EYS: variants seen among roughly 807,000 people sequenced by gnomAD.
EYS encodes EGF-like photoreceptor maintenance factor, also known as protein eyes shut homolog.
Under a neutral mutation model 282.1 loss-of-function variants are expected in EYS, and 250 were observed. The observed-to-expected ratio is 0.89, with a 90% CI of 0.80 to 0.98. The LOEUF is 0.98. EYS is among the 50% of genes least tolerant of loss of function. The probability of loss-of-function intolerance (pLI) is 0.00; values close to 1 mark genes in which losing one functional copy is unlikely to be tolerated. For synonymous variants in EYS, 1,355 were observed against 1,282.9 expected (o/e 1.06, Z -1.20); for missense variants, 4,016 against 3,709.0 (o/e 1.08, Z -2.15).
chr6:64,941,214 C>T lies in EYS; in HGVS notation c.2381+4579G>A, dbSNP rs182931783. 4.6e-5 allele frequency among the ~76,000 whole-genome samples: 7 copies of T among 152,012 alleles called. No individual in the cohort carries two copies. In the East Asian group the frequency reaches 1.4e-3, roughly 30 times the overall value. ...TGGCTAACATGGTGAAACTCCATCT[C>T]TACTACAAATACAAAAATTATCCAG... On this transcript the variant is annotated intron_variant, in intron 15 of 42. Transcript: ENST00000503581.
At chr6:64,298,669 T>C (rs1355596467) in intron 30 of EYS, among the ~76,000 whole-genome samples, 1 of 151,900 alleles carries the variant, frequency 6.6e-6, no homozygotes. Flanking sequence ...CAGAAGTAAA[T>C]AGCTTCTTAG....
intron 24 of EYS, among the ~76,000 whole-genome samples, chr6:64,599,474 G>A (rs1052297997): frequency 6.6e-6 from 1 of 152,064 alleles, no homozygotes; most frequent in Non-Finnish European, 1.5e-5. Context: ...CAATAAAATA[G>A]AAATAAAAAT....
intron 29 of EYS, among the ~76,000 whole-genome samples, chr6:64,362,842 C>G (rs1052058029): frequency 5.9e-5 from 9 of 151,792 alleles, no homozygotes; most frequent in Admixed American, 5.3e-4. Flanking sequence ...AAGACTTCAT[C>G]AGTTTTATCC....
intron 11 of EYS, among the ~76,000 whole-genome samples, chr6:65,297,049 A>G (rs1768687290): frequency 6.6e-6 from 1 of 151,636 alleles, no homozygotes; most frequent in South Asian, 2.1e-4. Flanking sequence ...ACATTGAACA[A>G]CTTTTCTTGG....
intron 22 of EYS, among the ~76,000 whole-genome samples, chr6:64,751,802 G>A (rs1772768397): frequency 6.6e-6 from 1 of 152,052 alleles, no homozygotes; most frequent in African/African-American, 2.4e-5. Flanking sequence ...CCCCATATGT[G>A]GCAGCAAGTC....
At chr6:65,658,552 A>G (rs2149823741) in intron 1 of EYS, among the ~76,000 whole-genome samples, 1 of 151,838 alleles carries the variant, frequency 6.6e-6, no homozygotes, top group East Asian at 1.9e-4. Context: ...ACTATGAATA[A>G]TGATAACTAT....
At chr6:64,266,718 C>T (rs1314324587) in intron 30 of EYS, among the ~76,000 whole-genome samples, 1 of 152,104 alleles carries the variant, frequency 6.6e-6, no homozygotes, top group African/African-American at 2.4e-5. Context: ...GTGAAGCAAG[C>T]CTCTGTATGG....
chr6:63,806,474 C>CTA (rs1770912309), intron 36 of EYS, 102 bp from the exon 37 acceptor site: 1 of 988,716 alleles, frequency 1.0e-6, no homozygotes, highest in African/African-American at 1.6e-5. Context: ...AGTCTGTTTA[C>CTA]TATTACATTA....
chr6:64,062,461 G>A (rs890791690), intron 33 of EYS, among the ~76,000 whole-genome samples: 2 of 152,102 alleles, frequency 1.3e-5, no homozygotes, highest in African/African-American at 4.8e-5. Flanking sequence ...GGAGGCTGAG[G>A]TGGGAAGATC....
At chr6:65,628,892 G>C (rs1268734365) in intron 2 of EYS, among the ~76,000 whole-genome samples, 1 of 152,190 alleles carries the variant, frequency 6.6e-6, no homozygotes, top group Non-Finnish European at 1.5e-5. Context: ...AGATGAGCTT[G>C]GAAAATAATT....
chr6:64,429,679 A>G (rs565059280), intron 28 of EYS, among the ~76,000 whole-genome samples: 3 of 152,232 alleles, frequency 2.0e-5, no homozygotes, highest in East Asian at 1.9e-4. Context: ...TTCTATTCTA[A>G]TTAACTGGCC....
At chr6:64,454,658 T>C (rs1348661220) in intron 26 of EYS, among the ~76,000 whole-genome samples, 2 of 152,192 alleles carry the variant, frequency 1.3e-5, no homozygotes, top group Non-Finnish European at 2.9e-5. Flanking sequence ...TGTAGGGTTG[T>C]GTGGGGACAC....
chr6:63,982,005 T>G (rs1767122860), intron 35 of EYS, among the ~76,000 whole-genome samples: 2 of 151,936 alleles, frequency 1.3e-5, no homozygotes, highest in Non-Finnish European at 2.9e-5. Context: ...ATTATCTTTA[T>G]TGTTATTTTC....
intron 35 of EYS, among the ~76,000 whole-genome samples, chr6:63,911,138 C>T (rs967962764): frequency 2.0e-5 from 3 of 150,400 alleles, no homozygotes; most frequent in African/African-American, 7.3e-5. Context: ...AAAAAAAAGC[C>T]CCTGATGTAA....
At chr6:64,654,249 C>T (rs558939757) in intron 22 of EYS, among the ~76,000 whole-genome samples, 40 of 152,210 alleles carry the variant, frequency 2.6e-4, no homozygotes, top group African/African-American at 9.4e-4. Flanking sequence ...GTTCAATTGT[C>T]TAATAAATTA....
intron 29 of EYS, among the ~76,000 whole-genome samples, chr6:64,323,521 T>G (rs951121146): frequency 6.6e-6 from 1 of 152,158 alleles, no homozygotes; most frequent in Non-Finnish European, 1.5e-5. Context: ...GCATTTATTT[T>G]GAGAATTATG....
In EYS at chr6:63,985,109, C is replaced by CA; in HGVS notation, c.6835-507dup. Among the ~76,000 whole-genome samples, 3 of 151,430 alleles carry CA rather than the reference C, an allele frequency of 2.0e-5. No homozygotes were observed. The Middle Eastern group carries it at 0.01, about 519-fold the overall frequency. ...AGATGAGGTCAATACTGGAATAAGG[C>CA]AAAACTATAATCCAATAGGACGTTT... On this transcript the variant is annotated intron_variant, in intron 34 of 42. Coordinates refer to ENST00000503581, the MANE Select transcript of EYS (RefSeq NM_001142800.2).
chr6:64,052,437 A>G (rs1770838813), intron 33 of EYS, among the ~76,000 whole-genome samples: 1 of 152,152 alleles, frequency 6.6e-6, no homozygotes, highest in Non-Finnish European at 1.5e-5. Context: ...TTTTAGTATA[A>G]CATACCTCCT....
chr6:65,444,959 C>T lies in EYS; in HGVS notation c.863-39592G>A, dbSNP rs1459845873. Among the ~76,000 whole-genome samples the T allele has an allele frequency of 2.0e-5, 3 of 151,838 alleles. No homozygotes were observed. The East Asian group carries it at 5.8e-4, about 29-fold the overall frequency. On this transcript the variant is annotated intron_variant, in intron 5 of 42. Coordinates refer to ENST00000503581, the MANE Select transcript of EYS (RefSeq NM_001142800.2). ...TACCTGTCTACACCTAAGACCTTAT[C>T]TTGTTTCTATTTTAACATCCAAATA...
Sources: allele counts gnomAD v4.1 joint callset (sites outside exome capture counted in the v4.1 genomes callset), GRCh38; gene constraint gnomAD v4.1.1; transcripts MANE v1.5; gene names NCBI Gene and HGNC (gene_info 2026-07-23, HGNC 2026-07-21).